The following ARPP21 variants were observed in gnomAD, a reference collection of about 807,000 sequenced individuals.
ARPP21 encodes the protein cAMP-regulated phosphoprotein 21.
A neutral mutation model predicts 113.2 loss-of-function variants in ARPP21; 69 were observed. That is an observed-to-expected ratio of 0.61 (90% confidence interval 0.50 to 0.74). ARPP21 has a LOEUF of 0.74. Among genes scored for constraint, ARPP21 ranks in the 30% least tolerant of loss-of-function variants. The pLI, the probability that ARPP21 is intolerant of heterozygous loss-of-function variation, is 0.00. For synonymous variants in ARPP21, 368 were observed against 375.5 expected, an observed-to-expected ratio of 0.98 and a Z score of 0.23; for missense variants, 1,070 against 1,037.4, an observed-to-expected ratio of 1.03 and a Z score of -0.43.
At chr3:35,714,626 C>T (rs900145299) in intron 11 of ARPP21, among the ~76,000 whole-genome samples, 2 of 152,124 alleles carry the variant, frequency 1.3e-5, no homozygotes, top group Non-Finnish European at 1.5e-5. Flanking sequence ...AGGACCACAG[C>T]ACCATATCTT....
intron 1 of ARPP21, chr3:35,678,963 CTG>C (rs2078191748): frequency 6.6e-6 from 1 of 151,978 alleles, no homozygotes; most frequent in Admixed American, 6.6e-5. Flanking sequence ...GAGCCCGTCT[CTG>C]TGTTTGCATT....
At chr3:35,717,867 G>C (rs1160458947) in intron 13 of ARPP21, among the ~76,000 whole-genome samples, 2 of 152,044 alleles carry the variant, frequency 1.3e-5, no homozygotes, top group Non-Finnish European at 2.9e-5. Flanking sequence ...ATCTGTGTAG[G>C]ATAAGGGGAT....
chr3:35,640,901 T>C (rs1190031603), intron 1 of ARPP21: 1 of 152,210 alleles, frequency 6.6e-6, no homozygotes, highest in African/African-American at 2.4e-5. Flanking sequence ...GATATGGTGG[T>C]AGAATTGAGT....
Position 35,794,031 on chromosome 3 carries a change from C to T in ARPP21, c.*73C>T. On this transcript the variant is annotated 3_prime_UTR_variant, in exon 21 of 21. Transcript: ENST00000684406. ...ATGGAAGAGGAACAAGGTGGGAAAACTGGCTGAGGACTTAAGTATTCACTC... is the reference window on the plus strand; with the variant it reads ...ATGGAAGAGGAACAAGGTGGGAAAATTGGCTGAGGACTTAAGTATTCACTC... 7.2e-7 allele frequency: 1 copy of T among 1,383,718 alleles called. No homozygotes were observed. Among genetic ancestry groups the T allele is most frequent in the Non-Finnish European group, 1.0e-6 (1 of 1,001,770 alleles). 85.7% of individuals were successfully genotyped at this position (1,383,718 alleles called of 1,614,324 possible).
intron 1 of ARPP21, among the ~76,000 whole-genome samples, chr3:35,645,687 A>G (rs996505700): frequency 6.6e-6 from 1 of 151,988 alleles, no homozygotes; most frequent in Non-Finnish European, 1.5e-5. Context: ...GCATTCTTTT[A>G]CATTTGTGTT....
intron 19 of ARPP21, among the ~76,000 whole-genome samples, chr3:35,767,328 T>A (rs942771118): frequency 6.6e-6 from 1 of 152,158 alleles, no homozygotes; most frequent in African/African-American, 2.4e-5. Flanking sequence ...TATGAAGATA[T>A]CATGTCTTAA....
intron 1 of ARPP21, among the ~76,000 whole-genome samples, chr3:35,653,352 G>T (rs560579745): frequency 3.9e-5 from 6 of 152,074 alleles, no homozygotes; most frequent in Non-Finnish European, 7.4e-5. Flanking sequence ...ACAAAACAGA[G>T]AATTCAATTA....
chr3:35,771,674 A>G (rs111633646), intron 19 of ARPP21, among the ~76,000 whole-genome samples: 12 of 152,332 alleles, frequency 7.9e-5, no homozygotes, highest in African/African-American at 1.4e-4. Context: ...CAACAATAAT[A>G]CAATACATTT....
At chr3:35,674,440 A>C (rs1255918910) in intron 1 of ARPP21, among the ~76,000 whole-genome samples, 1 of 151,948 alleles carries the variant, frequency 6.6e-6, no homozygotes, top group Non-Finnish European at 1.5e-5. Flanking sequence ...TTTTGCTTGA[A>C]GATTAAGGAG....
chr3:35,777,105 G>A (rs139967250), intron 19 of ARPP21, among the ~76,000 whole-genome samples: 50 of 152,292 alleles, frequency 3.3e-4, no homozygotes, highest in African/African-American at 1.1e-3. Flanking sequence ...AGAAGGAGCA[G>A]TTCCAGGAAT....
At chr3:35,765,697 A>G (rs189381302) in intron 19 of ARPP21, among the ~76,000 whole-genome samples, 5 of 152,306 alleles carry the variant, frequency 3.3e-5, no homozygotes, top group Non-Finnish European at 7.4e-5. Flanking sequence ...AAAATGAGAA[A>G]GATAGAAAAG....
chr3:35,658,377 CT>C (rs1487566291), intron 1 of ARPP21, among the ~76,000 whole-genome samples: 5 of 151,904 alleles, frequency 3.3e-5, no homozygotes, highest in Non-Finnish European at 7.4e-5. Context: ...GTAAAGTGTT[CT>C]TTTTGGCATT....
At chr3:35,685,365 G>C in intron 5 of ARPP21, 3 of 985,298 alleles carry the variant, frequency 3.0e-6, no homozygotes, top group Non-Finnish European at 3.6e-6. Context: ...GCCTCTCTTT[G>C]GATTGGCTGA....
chr3:35,742,454 G>A (rs1039362372), intron 18 of ARPP21, among the ~76,000 whole-genome samples: 8 of 152,110 alleles, frequency 5.3e-5, no homozygotes, highest in Admixed American at 4.6e-4. Flanking sequence ...TAGTAAGAGC[G>A]AATCACTATA....
Position 35,715,466 on chromosome 3 carries a change from G to A in ARPP21, c.925G>A (p.Val309Met), listed in dbSNP as rs759750919. 1.9e-6 allele frequency: 3 copies of A among 1,612,412 alleles called. No individual in the cohort carries two copies. Among genetic ancestry groups the A allele is most frequent in the South Asian group, 2.2e-5 (2 of 90,986 alleles). Residue 309 changes from valine to methionine, a missense_variant, in exon 12 of 21, where the codon GTG (valine) becomes ATG (methionine). Coordinates refer to ENST00000684406, the MANE Select transcript of ARPP21 (RefSeq NM_001385562.1). ...AGTTTGCTCCCAGGAAAGCCTTTTT[G>A]TGGAAAACAGGTAAAATAAAATTTA... ...DSVCSQESLF[V>M]ENSRLLEDSN...
chr3:35,750,425 T>C (rs573339488), intron 19 of ARPP21, among the ~76,000 whole-genome samples: 2 of 152,306 alleles, frequency 1.3e-5, no homozygotes, highest in South Asian at 4.1e-4. Context: ...GATAGTTAAA[T>C]AACATATTCT....
chr3:35,705,724 C>G (rs1446123688), intron 9 of ARPP21, among the ~76,000 whole-genome samples: 1 of 152,084 alleles, frequency 6.6e-6, no homozygotes, highest in Admixed American at 6.6e-5. Flanking sequence ...TGCTTCTGCA[C>G]CAAACTTTTA....
At chr3:35,704,855 G>A (rs2088118660) in intron 9 of ARPP21, among the ~76,000 whole-genome samples, 1 of 152,020 alleles carries the variant, frequency 6.6e-6, no homozygotes, top group African/African-American at 2.4e-5. Context: ...GACAAGGTCT[G>A]TACTGACATG....
intron 19 of ARPP21, among the ~76,000 whole-genome samples, chr3:35,748,443 GA>G (rs1272513132): frequency 2.3e-5 from 3 of 128,490 alleles, no homozygotes; most frequent in Non-Finnish European, 4.9e-5. Flanking sequence ...GAGAAAGAAA[GA>G]AAGAAAAGAA....
Sources: allele counts gnomAD v4.1 joint callset (sites outside exome capture counted in the v4.1 genomes callset), GRCh38; gene constraint gnomAD v4.1.1; transcripts MANE v1.5; gene names NCBI Gene and HGNC (gene_info 2026-07-23, HGNC 2026-07-21).